WDR72: variants seen among roughly 807,000 people sequenced by gnomAD.
WDR72 encodes the protein WD repeat domain 72, also known as WD repeat-containing protein 72.
In WDR72, 120 loss-of-function variants were observed where a neutral mutation model predicts 124.2. The ratio of observed to expected loss-of-function variants is 0.97; its 90% CI spans 0.83 to 1.12. The LOEUF (loss-of-function observed/expected upper bound fraction) is 1.12, where lower values mean the gene tolerates loss of function less well. Among genes scored for constraint, WDR72 ranks in the 50% most tolerant of loss-of-function variants. The pLI, the probability that WDR72 is intolerant of heterozygous loss-of-function variation, is 0.00. For missense variants in WDR72, 1,387 were observed against 1,278.8 expected (o/e 1.08, Z -1.29); for synonymous variants, 452 against 441.7 (o/e 1.02, Z -0.29).
At chr15:53,757,447 A>AC (rs1214407563) in intron 1 of WDR72, among the ~76,000 whole-genome samples, 1 of 151,962 alleles carries the variant, frequency 6.6e-6, no homozygotes, top group Non-Finnish European at 1.5e-5. Context: ...ACATAGTGAA[A>AC]CCCCACCTCT....
At chr15:53,757,212 T>A (rs945765505) in intron 1 of WDR72, among the ~76,000 whole-genome samples, 1 of 152,204 alleles carries the variant, frequency 6.6e-6, no homozygotes, top group Non-Finnish European at 1.5e-5. Flanking sequence ...CACATCTGCC[T>A]GCTTCCAATT....
Position 53,706,049 on chromosome 15 carries a change from C to T in WDR72, c.980G>A (p.Gly327Asp), listed in dbSNP as rs1356906158. The change falls in exon 10 of 20, where the codon GGC becomes GAC. Residue 327 changes from glycine to aspartate, a missense_variant. Coordinates refer to ENST00000360509, the MANE Select transcript of WDR72 (RefSeq NM_182758.4). ...NKEQSRPFVM[G>D]YMNERKEPFY... Reference sequence around the variant, plus strand: ...AGGCTCTTTCCTTTCATTCATGTAGCCCATAACAAAGGGACGGCTCTGTTC... The same window carrying T: ...AGGCTCTTTCCTTTCATTCATGTAGTCCATAACAAAGGGACGGCTCTGTTC... 1 of 1,613,926 alleles carries T rather than the reference C, an allele frequency of 6.2e-7. No individual in the cohort carries two copies. Among genetic ancestry groups the T allele is most frequent in the Admixed American group, 1.7e-5 (1 of 59,994 alleles).
At chr15:53,698,664 C>T (rs956679550) in intron 13 of WDR72, among the ~76,000 whole-genome samples, 2 of 152,148 alleles carry the variant, frequency 1.3e-5, no homozygotes, top group African/African-American at 4.8e-5. Context: ...TTAACTGTTG[C>T]TCAAATCAAG....
intron 19 of WDR72, among the ~76,000 whole-genome samples, chr15:53,520,716 C>T (rs1032738452): frequency 2.0e-5 from 3 of 151,948 alleles, no homozygotes; most frequent in Admixed American, 2.0e-4. Flanking sequence ...GGTTTTGGAA[C>T]CCCTACATTT....
chr15:53,700,310 G>A (rs1313056416), intron 12 of WDR72, among the ~76,000 whole-genome samples: 1 of 152,178 alleles, frequency 6.6e-6, no homozygotes, highest in African/African-American at 2.4e-5. Flanking sequence ...GAAGCTATTT[G>A]TAGACACAAG....
intron 13 of WDR72, among the ~76,000 whole-genome samples, chr15:53,669,381 G>C (rs567776994): frequency 2.6e-5 from 4 of 152,100 alleles, no homozygotes; most frequent in Admixed American, 6.5e-5. Flanking sequence ...TAGCCCTAGG[G>C]GGTGGAGGGG....
At chr15:53,625,523 A>G (rs1382245765) in intron 14 of WDR72, among the ~76,000 whole-genome samples, 2 of 152,222 alleles carry the variant, frequency 1.3e-5, no homozygotes, top group Non-Finnish European at 2.9e-5. Context: ...AATAATGCTG[A>G]TACATCTACA....
At chr15:53,731,882 T>C (rs1173520797) in intron 2 of WDR72, among the ~76,000 whole-genome samples, 1 of 152,202 alleles carries the variant, frequency 6.6e-6, no homozygotes, top group South Asian at 2.1e-4. Flanking sequence ...GCAATGCCTT[T>C]ATAAATATGA....
intron 14 of WDR72, among the ~76,000 whole-genome samples, chr15:53,625,205 T>C (rs973975710): frequency 1.4e-4 from 21 of 152,218 alleles, no homozygotes; most frequent in African/African-American, 5.1e-4. Context: ...AAGCAAGAAG[T>C]ATTTCATCCC....
intron 7 of WDR72, among the ~76,000 whole-genome samples, 163 bp downstream of exon 7, chr15:53,712,609 A>AG (rs1441011049): frequency 6.6e-6 from 1 of 151,880 alleles, no homozygotes; most frequent in Non-Finnish European, 1.5e-5. Flanking sequence ...CACCGCCAAA[A>AG]AAAAAAACTG....
rs1374245132 is a variant in WDR72, at chr15:53,615,788, T to A, written c.2418A>T (p.Gly806=). The change falls in exon 15 of 20, where the codon GGA becomes GGT. Residue 806 remains glycine, a synonymous_variant. Coordinates refer to ENST00000360509, the MANE Select transcript of WDR72 (RefSeq NM_182758.4). ...KLFLSCLLPW[G]VDKDLDYLCI... Reference sequence around the variant, plus strand: ...AAAGATAATCTAAATCTTTATCCACTCCCCATGGCAAAAGGCAAGACAGAA... The same window carrying A: ...AAAGATAATCTAAATCTTTATCCACACCCCATGGCAAAAGGCAAGACAGAA... The A allele has an allele frequency of 4.3e-6, 7 of 1,613,504 alleles. No individual in the cohort carries two copies. The highest frequency in any genetic ancestry group is 5.9e-6 in the Non-Finnish European group (7 of 1,179,680).
At chr15:53,684,499 G>C (rs1005280197) in intron 13 of WDR72, 3 of 161,534 alleles carry the variant, frequency 1.9e-5, no homozygotes, top group Non-Finnish European at 4.0e-5. Context: ...GCGCTTTTCC[G>C]ACGGGCTTAA....
intron 18 of WDR72, among the ~76,000 whole-genome samples, chr15:53,552,570 T>G (rs1241990782): frequency 1.3e-5 from 2 of 152,204 alleles, no homozygotes; most frequent in Non-Finnish European, 2.9e-5. Flanking sequence ...GATGTCTGAA[T>G]ATTTTCAAAT....
chr15:53,638,273 T>C (rs983989493), intron 14 of WDR72, among the ~76,000 whole-genome samples: 19 of 152,172 alleles, frequency 1.2e-4, no homozygotes, highest in African/African-American at 4.6e-4. Context: ...AATGGGGCTA[T>C]CTAAGGGCAG....
At chr15:53,631,348 C>T (rs1174470960) in intron 14 of WDR72, among the ~76,000 whole-genome samples, 2 of 152,190 alleles carry the variant, frequency 1.3e-5, no homozygotes, top group African/African-American at 4.8e-5. Context: ...AGCCACTATG[C>T]TTCCTGTAGA....
intron 14 of WDR72, among the ~76,000 whole-genome samples, chr15:53,658,909 C>A (rs2015517690): frequency 6.6e-6 from 1 of 152,172 alleles, no homozygotes; most frequent in Non-Finnish European, 1.5e-5. Context: ...TTACTATGAA[C>A]AAGAACCCAA....
At chr15:53,731,692 C>T (rs528982614) in intron 2 of WDR72, among the ~76,000 whole-genome samples, 1 of 151,806 alleles carries the variant, frequency 6.6e-6, no homozygotes, top group African/African-American at 2.4e-5. Flanking sequence ...CTTAGAGTGC[C>T]TTATATCATA....
chr15:53,699,896 G>A lies in WDR72; in HGVS notation c.1619C>T (p.Ala540Val). The A allele has an allele frequency of 6.2e-7, 1 of 1,614,164 alleles. No individual in the cohort carries two copies. Residue 540 changes from alanine (A) to valine (V), a missense_variant, in exon 13 of 20, where the codon GCT becomes GTT. Transcript: ENST00000360509. ...ICCVCGDHSV[A>V]LLHLEGKSCL... ...ACTCTTTCCCTCAAGGTGAAGGAGA[G>A]CCACGGAATGGTCACCGCACACACA...
intron 14 of WDR72, among the ~76,000 whole-genome samples, chr15:53,656,156 C>T (rs914508649): frequency 9.9e-5 from 15 of 152,170 alleles, no homozygotes; most frequent in African/African-American, 3.4e-4. Flanking sequence ...ATTTTTATAT[C>T]TGACAGGAAT....
Sources: gnomAD v4.1 joint callset for allele counts (sites outside exome capture counted in the v4.1 genomes callset) on GRCh38, gnomAD v4.1.1 for gene constraint, MANE v1.5 for transcripts, NCBI Gene and HGNC (gene_info 2026-07-23, HGNC 2026-07-21) for gene names.